Variants in UGT1A8 observed in about 807,000 individuals in gnomAD.
UGT1A8 encodes the protein UDP-glucuronosyltransferase 1A8.
UGT1A8 carries 39 observed loss-of-function variants against 45.3 expected under a neutral mutation model. The observed-to-expected ratio is 0.86, with a 90% CI of 0.67 to 1.12. The LOEUF (loss-of-function observed/expected upper bound fraction) is 1.12, where lower values mean the gene tolerates loss of function less well. UGT1A8 is among the 50% of genes most tolerant of loss of function. The probability of loss-of-function intolerance (pLI) is 0.00; values close to 1 mark genes in which losing one functional copy is unlikely to be tolerated. For missense variants in UGT1A8, 719 were observed against 664.9 expected, an observed-to-expected ratio of 1.08 and a Z score of -0.90; for synonymous variants, 275 against 249.2, an observed-to-expected ratio of 1.10 and a Z score of -0.97.
At chr2:233,648,957 C>T in intron 1 of UGT1A8, 1 of 1,438,908 alleles carries the variant, frequency 6.9e-7, no homozygotes, top group Non-Finnish European at 9.6e-7. Context: ...TGGAGTATCC[C>T]AAACCTGTGA....
intron 1 of UGT1A8, among the ~76,000 whole-genome samples, chr2:233,710,802 C>T (rs187867245): frequency 5.3e-4 from 80 of 152,332 alleles, no homozygotes; most frequent in Non-Finnish European, 9.6e-4. Context: ...TTGTACCCCT[C>T]GTGCCCTATC....
At chr2:233,702,807 T>A (rs568741359) in intron 1 of UGT1A8, among the ~76,000 whole-genome samples, 2 of 152,340 alleles carry the variant, frequency 1.3e-5, no homozygotes, top group South Asian at 4.1e-4. Flanking sequence ...CCTAGAATAA[T>A]CCCACTTGAT....
intron 1 of UGT1A8, among the ~76,000 whole-genome samples, chr2:233,669,211 A>G (rs948001449): frequency 7.2e-5 from 11 of 152,146 alleles, no homozygotes; most frequent in African/African-American, 2.4e-4. Context: ...TTTGATTACT[A>G]TAGATTTGTA....
rs142395215 is a variant in UGT1A8, at chr2:233,636,801, C to T, written c.855+18239C>T. 2.5e-4 allele frequency: 396 copies of T among 1,614,192 alleles called. 2 individuals are homozygous for T. In the African/African-American group the frequency reaches 4.4e-3, roughly 18 times the overall value. On this transcript the variant is annotated intron_variant, in intron 1 of 4. Coordinates refer to ENST00000373450, the MANE Select transcript of UGT1A8 (RefSeq NM_019076.5). ...ATCAGAACCGGGAATTCATGGTTTT[C>T]GCCCATGCTCAATGGAAAGCACAGG...
chr2:233,646,204 A>C (rs193026154), intron 1 of UGT1A8, among the ~76,000 whole-genome samples: 15 of 152,290 alleles, frequency 9.8e-5, no homozygotes, highest in African/African-American at 3.6e-4. Context: ...CCAAGTCCCT[A>C]GGCTGCACAC....
rs958350621 is a variant in UGT1A8 at position 233,758,917 on chromosome 2, C to G, written c.856-8117C>G. ...ACAAATTTGAGTTGTTTTTGCTCAT[C>G]TTTCCCTTTTGACTTCAAATCAGTC... On this transcript the variant is annotated intron_variant, in intron 1 of 4. Coordinates refer to ENST00000373450, the MANE Select transcript of UGT1A8 (RefSeq NM_019076.5). Among the ~76,000 whole-genome samples the G allele has an allele frequency of 5.9e-5, 9 of 152,224 alleles. 1 individual carries two copies. Among genetic ancestry groups the G allele is most frequent in the Admixed American group, 3.3e-4 (5 of 15,286 alleles).
intron 1 of UGT1A8, among the ~76,000 whole-genome samples, chr2:233,719,871 A>G (rs2076809902): frequency 6.6e-6 from 1 of 152,230 alleles, no homozygotes; most frequent in African/African-American, 2.4e-5. Context: ...TGAGAGGAAG[A>G]AGAGGCACGG....
At chr2:233,650,892 CTATTACTTT>C (rs2073721701) in intron 1 of UGT1A8, among the ~76,000 whole-genome samples, 1 of 152,138 alleles carries the variant, frequency 6.6e-6, no homozygotes, top group African/African-American at 2.4e-5. Flanking sequence ...GATCCCTCAT[CTATTACTTT>C]TTTAGCAATG....
At chr2:233,710,361 A>G (rs765763847) in intron 1 of UGT1A8, among the ~76,000 whole-genome samples, 6 of 152,226 alleles carry the variant, frequency 3.9e-5, no homozygotes, top group Non-Finnish European at 8.8e-5. Flanking sequence ...AAGCAGTTAT[A>G]CAATTTTACA....
Position 233,664,178 on chromosome 2 carries a change from G to A in UGT1A8, c.855+45616G>A, listed in dbSNP as rs536221979. The stretch of plus-strand genomic sequence containing the variant: ...CTCATTTTCACATGAGACCTCATTA[G>A]CCTGGCCCTCACTGCTGATTTTTCT... On this transcript the variant is annotated intron_variant, in intron 1 of 4. Coordinates refer to ENST00000373450, the MANE Select transcript of UGT1A8 (RefSeq NM_019076.5). 5.3e-5 allele frequency among the ~76,000 whole-genome samples: 8 copies of A among 152,230 alleles called. No individual in the cohort carries two copies. In the South Asian group the frequency reaches 1.7e-3, roughly 32 times the overall value.
At chr2:233,727,846 T>C (rs1234756694) in intron 1 of UGT1A8, among the ~76,000 whole-genome samples, 1 of 152,150 alleles carries the variant, frequency 6.6e-6, no homozygotes, top group East Asian at 1.9e-4. Context: ...TGTGGAGTAA[T>C]TTCCTCCCTA....
At chr2:233,691,290 A>C (rs936596287) in intron 1 of UGT1A8, 99 of 985,440 alleles carry the variant, frequency 1.0e-4, no homozygotes, top group Non-Finnish European at 1.2e-4. Context: ...GATCATTGTA[A>C]GCTGCCAATC....
intron 1 of UGT1A8, among the ~76,000 whole-genome samples, chr2:233,660,019 T>C (rs1290420852): frequency 6.6e-6 from 1 of 152,222 alleles, no homozygotes; most frequent in South Asian, 2.1e-4. Context: ...TCAAACTCTT[T>C]ATGCCCACCT....
At chr2:233,658,981 A>C (rs1452715049) in intron 1 of UGT1A8, among the ~76,000 whole-genome samples, 1 of 152,224 alleles carries the variant, frequency 6.6e-6, no homozygotes, top group East Asian at 1.9e-4. Flanking sequence ...GCACAAAAAA[A>C]AGCCTGTTGG....
intron 1 of UGT1A8, chr2:233,755,127 T>C: frequency 7.6e-7 from 1 of 1,323,488 alleles, no homozygotes; most frequent in Non-Finnish European, 1.0e-6. Context: ...CTCAGCCACC[T>C]GCTTGAATCT....
At chr2:233,646,874 G>C (rs1243809119) in intron 1 of UGT1A8, among the ~76,000 whole-genome samples, 1 of 152,168 alleles carries the variant, frequency 6.6e-6, no homozygotes, top group Non-Finnish European at 1.5e-5. Flanking sequence ...TATCTTTTCA[G>C]TAGCAATCCA....
At chr2:233,658,339 C>T (rs988635725) in intron 1 of UGT1A8, among the ~76,000 whole-genome samples, 1 of 152,070 alleles carries the variant, frequency 6.6e-6, no homozygotes, top group African/African-American at 2.4e-5. Flanking sequence ...TTAAATGTTA[C>T]GTTACTATAG....
intron 1 of UGT1A8, among the ~76,000 whole-genome samples, chr2:233,632,850 C>T (rs886133927): frequency 4.6e-5 from 7 of 152,110 alleles, no homozygotes; most frequent in Admixed American, 1.3e-4. Context: ...TTGCCCTGGC[C>T]AGAACTTCCA....
chr2:233,698,513 C>T (rs372475227), intron 1 of UGT1A8, among the ~76,000 whole-genome samples: 6 of 152,124 alleles, frequency 3.9e-5, no homozygotes, highest in Non-Finnish European at 5.9e-5. Context: ...ATCACATAAT[C>T]GGCAATACAT....
Sources: gnomAD v4.1 joint callset for allele counts (sites outside exome capture counted in the v4.1 genomes callset) on GRCh38, gnomAD v4.1.1 for gene constraint, MANE v1.5 for transcripts, NCBI Gene and HGNC (gene_info 2026-07-23, HGNC 2026-07-21) for gene names.